CAMK4: variants seen among roughly 807,000 people sequenced by gnomAD.
CAMK4 encodes calcium/calmodulin-dependent protein kinase type IV.
Under a neutral mutation model 44.9 loss-of-function variants are expected in CAMK4, and 22 were observed. The observed-to-expected ratio is 0.49, with a 90% CI of 0.35 to 0.70. The LOEUF (loss-of-function observed/expected upper bound fraction) is 0.70, where lower values mean the gene tolerates loss of function less well. Among genes scored for constraint, CAMK4 ranks in the 30% least tolerant of loss-of-function variants. The pLI is 0.01. For synonymous variants in CAMK4, 218 were observed against 215.4 expected, an observed-to-expected ratio of 1.01 and a Z score of -0.11; for missense variants, 498 against 586.8, an observed-to-expected ratio of 0.85 and a Z score of 1.56.
At chr5:111,385,438 A>G (rs116125366) in intron 4 of CAMK4, among the ~76,000 whole-genome samples, 327 of 152,214 alleles carry the variant, frequency 2.1e-3, no homozygotes, top group African/African-American at 7.6e-3. Context: ...ACAATTGTAC[A>G]CTGTTGGGTA....
intron 4 of CAMK4, among the ~76,000 whole-genome samples, chr5:111,377,979 G>A (rs1751277279): frequency 6.6e-6 from 1 of 152,068 alleles, no homozygotes; most frequent in African/African-American, 2.4e-5. Flanking sequence ...AGTTTTGAAT[G>A]CGTTGAGAGA....
chr5:111,348,827 G>A (rs1169387231), intron 2 of CAMK4, among the ~76,000 whole-genome samples: 1 of 152,016 alleles, frequency 6.6e-6, no homozygotes, highest in African/African-American at 2.4e-5. Context: ...TCGCATAATT[G>A]AGCATTTCTT....
chr5:111,424,144 G>T (rs74370709), intron 5 of CAMK4, among the ~76,000 whole-genome samples: 2 of 152,174 alleles, frequency 1.3e-5, no homozygotes, highest in Non-Finnish European at 2.9e-5. Context: ...AAATGAGCAG[G>T]CAGAGACCTA....
rs550983579 is a variant in CAMK4, at chr5:111,293,629, G to A, written c.162-50395G>A. Among the ~76,000 whole-genome samples the A allele has an allele frequency of 1.2e-4, 18 of 151,334 alleles. No homozygotes were observed. In the South Asian group the frequency reaches 2.1e-3, roughly 18 times the overall value. ...TTTAGTTGAGACGGGGTTTTACCAC[G>A]TTGGCCAGGCTGGTCTCGAACTACT... is the stretch of plus-strand genomic sequence containing the variant. On this transcript the variant is annotated intron_variant, in intron 1 of 10. Coordinates refer to ENST00000282356, the MANE Select transcript of CAMK4 (RefSeq NM_001744.6).
intron 4 of CAMK4, among the ~76,000 whole-genome samples, chr5:111,378,656 T>G (rs1294724218): frequency 6.6e-6 from 1 of 152,170 alleles, no homozygotes; most frequent in Non-Finnish European, 1.5e-5. Context: ...TATTTTCACA[T>G]TTTAAGAATA....
intron 1 of CAMK4, among the ~76,000 whole-genome samples, chr5:111,254,361 C>T (rs1028227102): frequency 6.6e-6 from 1 of 152,174 alleles, no homozygotes; most frequent in African/African-American, 2.4e-5. Flanking sequence ...TGCCACGTGG[C>T]CATGGCAGTG....
intron 1 of CAMK4, among the ~76,000 whole-genome samples, chr5:111,289,782 A>C (rs1001188874): frequency 6.6e-6 from 1 of 152,230 alleles, no homozygotes; most frequent in East Asian, 1.9e-4. Context: ...GTGCACCAAA[A>C]GATGCCCAAT....
intron 2 of CAMK4, among the ~76,000 whole-genome samples, chr5:111,345,771 T>A (rs1414325746): frequency 6.6e-6 from 1 of 151,892 alleles, no homozygotes; most frequent in East Asian, 1.9e-4. Context: ...GTGAAGCCAT[T>A]TGGTGGGTTC....
chr5:111,424,434 CTTTTTTTT>C (rs34618322), intron 5 of CAMK4, among the ~76,000 whole-genome samples: 3 of 64,908 alleles, frequency 4.6e-5, no homozygotes, highest in Non-Finnish European at 8.0e-5. Flanking sequence ...ATCTTCTATT[CTTTTTTTT>C]TTTTTTTTTT....
chr5:111,310,890 C>T (rs139896739), intron 1 of CAMK4, among the ~76,000 whole-genome samples: 9 of 152,170 alleles, frequency 5.9e-5, no homozygotes, highest in African/African-American at 1.4e-4. Context: ...GATGATGAGT[C>T]GCTTTAGCTG....
chr5:111,457,242 A>G (rs1045079134), intron 7 of CAMK4, among the ~76,000 whole-genome samples: 3 of 152,186 alleles, frequency 2.0e-5, no homozygotes, highest in Non-Finnish European at 4.4e-5. Flanking sequence ...AATAAACAAT[A>G]ATCTTCTCTT....
At chr5:111,285,566 T>G (rs1411341320) in intron 1 of CAMK4, among the ~76,000 whole-genome samples, 1 of 152,246 alleles carries the variant, frequency 6.6e-6, no homozygotes, top group Non-Finnish European at 1.5e-5. Flanking sequence ...CTGCAATGGA[T>G]GTAATTTCTT....
chr5:111,344,140 C>A, intron 2 of CAMK4, 38 bp downstream of exon 2: 5 of 1,212,540 alleles, frequency 4.1e-6, no homozygotes, highest in Middle Eastern at 1.9e-4. Context: ...CTCTAAGGGG[C>A]CTGTGACCTG....
At chr5:111,391,792 G>A (rs1262119220) in intron 4 of CAMK4, among the ~76,000 whole-genome samples, 1 of 152,098 alleles carries the variant, frequency 6.6e-6, no homozygotes, top group Non-Finnish European at 1.5e-5. Flanking sequence ...CAACTACCGT[G>A]TTTTTCATAA....
At position 111,273,717 on chromosome 5, in the gene CAMK4, ATACACACAC is replaced by A. The variant is rs1750632704; in HGVS notation, c.161+49074_161+49082del. ...TATATATATATATATATATATATAT[ATACACACAC>A]ATACATACACACACACACGCTCACA... On this transcript the variant is annotated intron_variant, in intron 1 of 10. Transcript: ENST00000282356. 9.2e-5 allele frequency among the ~76,000 whole-genome samples: 4 copies of A among 43,496 alleles called. 1 individual carries two copies. Among genetic ancestry groups the A allele is most frequent in the South Asian group, 1.1e-3 (1 of 880 alleles). 28.5% of individuals were successfully genotyped at this position (43,496 alleles called of 152,430 possible).
chr5:111,312,530 G>T (rs1283439211), intron 1 of CAMK4, among the ~76,000 whole-genome samples: 2 of 152,102 alleles, frequency 1.3e-5, no homozygotes, highest in East Asian at 3.9e-4. Context: ...ATTTGTTCAT[G>T]TTTTTTAGGA....
chr5:111,363,014 G>A (rs913113810), intron 2 of CAMK4, among the ~76,000 whole-genome samples: 1 of 152,102 alleles, frequency 6.6e-6, no homozygotes, highest in Non-Finnish European at 1.5e-5. Context: ...AAGGTGTGCT[G>A]TTGGAAGGAA....
At chr5:111,433,118 T>C (rs1201619790) in intron 5 of CAMK4, among the ~76,000 whole-genome samples, 2 of 152,222 alleles carry the variant, frequency 1.3e-5, no homozygotes, top group Non-Finnish European at 2.9e-5. Flanking sequence ...TTCCAGTCAC[T>C]GCTGATATGT....
intron 5 of CAMK4, among the ~76,000 whole-genome samples, chr5:111,396,028 A>G (rs1751993935): frequency 6.6e-6 from 1 of 152,176 alleles, no homozygotes; most frequent in Non-Finnish European, 1.5e-5. Context: ...AGTTTTACCC[A>G]CATCAAAAAC....
Sources: allele counts gnomAD v4.1 joint callset (sites outside exome capture counted in the v4.1 genomes callset), GRCh38; gene constraint gnomAD v4.1.1; transcripts MANE v1.5; gene names NCBI Gene and HGNC (gene_info 2026-07-23, HGNC 2026-07-21).